The following METTL25 variants were observed in gnomAD, a reference collection of about 807,000 sequenced individuals.
METTL25 encodes methyltransferase like 25.
METTL25 carries 64 observed loss-of-function variants against 71.6 expected under a neutral mutation model. The ratio of observed to expected loss-of-function variants is 0.89; its 90% confidence interval spans 0.73 to 1.10. The LOEUF (loss-of-function observed/expected upper bound fraction) is 1.10. Among genes scored for constraint, METTL25 ranks in the 50% least tolerant of loss-of-function variants. METTL25 has a pLI of 0.00. For missense variants in METTL25, 807 were observed against 707.0 expected (o/e 1.14, Z -1.60); for synonymous variants, 287 against 250.3 (o/e 1.15, Z -1.38).
intron 3 of METTL25, among the ~76,000 whole-genome samples, chr12:82,393,891 C>T (rs1178673815): frequency 6.6e-6 from 1 of 151,798 alleles, no homozygotes; most frequent in Non-Finnish European, 1.5e-5. Context: ...TTGCTGTCAA[C>T]TTCTTAGTAC....
rs546527897 is a variant in METTL25, at chr12:82,409,606, G to A, written c.1279+6476G>A. Reference sequence around the variant, plus strand: ...GCTACTGGGAGCAACTCTTGCCAGGGTGCAAATTTGTGACTGATCTGCTCC... The same window carrying A: ...GCTACTGGGAGCAACTCTTGCCAGGATGCAAATTTGTGACTGATCTGCTCC... On this transcript the variant is annotated intron_variant, in intron 5 of 11. Coordinates refer to ENST00000248306, the MANE Select transcript of METTL25 (RefSeq NM_032230.3). Among the ~76,000 whole-genome samples, 14 of 152,092 alleles carry A rather than the reference G, an allele frequency of 9.2e-5. No homozygotes were observed. The South Asian group carries it at 1.9e-3, about 20-fold the overall frequency.
intron 5 of METTL25, among the ~76,000 whole-genome samples, chr12:82,417,451 C>A (rs767106845): frequency 6.6e-6 from 1 of 152,064 alleles, no homozygotes; most frequent in Non-Finnish European, 1.5e-5. Context: ...CAAGCATATA[C>A]GTTAAAAAGT....
intron 8 of METTL25, among the ~76,000 whole-genome samples, chr12:82,452,074 A>G (rs1311112385): frequency 6.6e-6 from 1 of 152,130 alleles, no homozygotes; most frequent in African/African-American, 2.4e-5. Context: ...TGGAGGCAAC[A>G]TAAAGAAATT....
intron 8 of METTL25, among the ~76,000 whole-genome samples, chr12:82,454,901 A>T (rs971791357): frequency 6.6e-6 from 1 of 151,948 alleles, no homozygotes; most frequent in African/African-American, 2.4e-5. Flanking sequence ...AGCTTACATC[A>T]TGGCTCAGTT....
chr12:82,454,530 A>G (rs1262397818), intron 8 of METTL25, among the ~76,000 whole-genome samples: 7 of 152,030 alleles, frequency 4.6e-5, no homozygotes, highest in African/African-American at 1.7e-4. Flanking sequence ...CAGATTAACA[A>G]AGGACTTAAA....
chr12:82,434,571 A>C, intron 6 of METTL25, 124 bp from the exon 7 acceptor site: 1 of 767,822 alleles, frequency 1.3e-6, no homozygotes, highest in Non-Finnish European at 2.2e-6. Context: ...TAAGTGCATA[A>C]ACTTACATAT....
At chr12:82,388,950 T>A (rs1037733573) in intron 2 of METTL25, 7 of 151,978 alleles carry the variant, frequency 4.6e-5, no homozygotes, top group African/African-American at 9.7e-5. Context: ...TGGAAAGACC[T>A]CATTAAAACC....
At chr12:82,368,387 C>G (rs1453490987) in intron 1 of METTL25, among the ~76,000 whole-genome samples, 1 of 152,140 alleles carries the variant, frequency 6.6e-6, no homozygotes, top group Non-Finnish European at 1.5e-5. Context: ...CAGACACACA[C>G]CCCTGGAATT....
chr12:82,468,958 C>T (rs2137295504), intron 9 of METTL25: 1 of 152,386 alleles, frequency 6.6e-6, no homozygotes, highest in Non-Finnish European at 1.5e-5. Context: ...CCAATAGAAA[C>T]CTAGATTACA....
At chr12:82,361,899 C>T (rs886427652) in intron 1 of METTL25, among the ~76,000 whole-genome samples, 2 of 152,334 alleles carry the variant, frequency 1.3e-5, no homozygotes, top group Admixed American at 6.5e-5. Flanking sequence ...ACTCCTCAAG[C>T]GTGGCCAGAG....
At chr12:82,369,911 A>G (rs1303473625) in intron 1 of METTL25, among the ~76,000 whole-genome samples, 1 of 152,004 alleles carries the variant, frequency 6.6e-6, no homozygotes, top group East Asian at 1.9e-4. Flanking sequence ...GCGTTTTTAC[A>G]GAGTGCTGAT....
intron 5 of METTL25, among the ~76,000 whole-genome samples, chr12:82,413,648 A>C (rs2137069382): frequency 6.6e-6 from 1 of 152,122 alleles, no homozygotes; most frequent in South Asian, 2.1e-4. Context: ...AAATTAGATG[A>C]TCTGTCTCTT....
chr12:82,396,197 A>G (rs1003230645), intron 3 of METTL25, among the ~76,000 whole-genome samples: 1 of 152,108 alleles, frequency 6.6e-6, no homozygotes, highest in African/African-American at 2.4e-5. Context: ...TTGCACAACA[A>G]AATTTCTTAA....
intron 9 of METTL25, among the ~76,000 whole-genome samples, chr12:82,464,069 A>T (rs1269842794): frequency 6.6e-6 from 1 of 151,412 alleles, no homozygotes; most frequent in Non-Finnish European, 1.5e-5. Flanking sequence ...TGTCTTGTTC[A>T]CTCTGATGAT....
At chr12:82,465,145 A>G (rs1251826625) in intron 9 of METTL25, among the ~76,000 whole-genome samples, 1 of 151,874 alleles carries the variant, frequency 6.6e-6, no homozygotes, top group African/African-American at 2.4e-5. Context: ...ACTGTGTTGC[A>G]TGAGAGTGGT....
chr12:82,430,901 C>T lies in METTL25; in HGVS notation c.1288C>T (p.Gln430Ter). The change falls in exon 6 of 12, where the codon CAG becomes TAG. Residue 430 changes from glutamine (Q) to a stop codon, truncating the protein, a stop_gained. Coordinates refer to ENST00000248306, the MANE Select transcript of METTL25 (RefSeq NM_032230.3). LOFTEE classifies it high-confidence loss of function. ...TTTTCCCCCATCTGCAGAACGTACT[C>T]AGGAAAAGTGGGGATTTCCAATGTG... ...EFENQHKERT[Q>*]EKWGFPMCHY... 4 of 1,580,626 alleles carry T rather than the reference C, an allele frequency of 2.5e-6. No individual in the cohort carries two copies. Among genetic ancestry groups the T allele is most frequent in the Non-Finnish European group, 2.6e-6 (3 of 1,156,606 alleles).
At chr12:82,460,061 A>G (rs1314890301) in intron 9 of METTL25, 1 of 152,196 alleles carries the variant, frequency 6.6e-6, no homozygotes, top group Non-Finnish European at 1.5e-5. Context: ...AAGAACCTTC[A>G]GTCCCACCAT....
intron 8 of METTL25, chr12:82,451,227 A>G: frequency 1.1e-6 from 1 of 871,468 alleles, no homozygotes; most frequent in South Asian, 5.3e-5. Context: ...TGAATGCTTC[A>G]TGCAGTATCC....
At chr12:82,432,672 A>G (rs1334507663) in intron 6 of METTL25, among the ~76,000 whole-genome samples, 2 of 151,606 alleles carry the variant, frequency 1.3e-5, no homozygotes, top group East Asian at 1.9e-4. Flanking sequence ...TGCCCTGATC[A>G]ATGTCAGCTG....
Sources: allele counts gnomAD v4.1 joint callset (sites outside exome capture counted in the v4.1 genomes callset), GRCh38; gene constraint gnomAD v4.1.1; transcripts MANE v1.5; gene names NCBI Gene and HGNC (gene_info 2026-07-23, HGNC 2026-07-21).